Variants in MTA3 observed in about 807,000 individuals in gnomAD.
MTA3 encodes the protein metastasis associated 1 family member 3, also known as metastasis-associated protein MTA3.
In MTA3, 34 loss-of-function variants were observed where a neutral mutation model predicts 83.5. That is an observed-to-expected ratio of 0.41 (90% confidence interval 0.31 to 0.54). MTA3 has a LOEUF of 0.54. Ranked by LOEUF, MTA3 falls within the 20% of genes least tolerant of loss-of-function variation. MTA3 has a pLI of 0.33. For synonymous variants in MTA3, 303 were observed against 252.7 expected, an observed-to-expected ratio of 1.20 and a Z score of -1.89; for missense variants, 761 against 726.4, an observed-to-expected ratio of 1.05 and a Z score of -0.55.
At chr2:42,506,906 C>G (rs763697772) in intron 2 of MTA3, among the ~76,000 whole-genome samples, 1 of 151,674 alleles carries the variant, frequency 6.6e-6, no homozygotes, top group Admixed American at 6.6e-5. Context: ...CGCGCCTGGC[C>G]TGTTTTATTT....
intron 7 of MTA3, among the ~76,000 whole-genome samples, chr2:42,658,028 C>G (rs927370264): frequency 7.4e-6 from 1 of 135,350 alleles, no homozygotes; most frequent in Non-Finnish European, 1.5e-5. Context: ...GCCGAGATCG[C>G]ACCATTGCAC....
chr2:42,539,179 G>C (rs2029898), intron 2 of MTA3, among the ~76,000 whole-genome samples: 1 of 151,940 alleles, frequency 6.6e-6, no homozygotes, highest in Non-Finnish European at 1.5e-5. Flanking sequence ...GTAGAATTAC[G>C]GGGTAAAAGA....
At chr2:42,691,031 C>G (rs1383138736) in intron 9 of MTA3, among the ~76,000 whole-genome samples, 2 of 152,106 alleles carry the variant, frequency 1.3e-5, no homozygotes, top group African/African-American at 2.4e-5. Context: ...TACACACCAC[C>G]ATGCCCAGCT....
In MTA3 at chr2:42,719,094, G is replaced by T; in HGVS notation, c.1612+20G>T. On this transcript the variant is annotated intron_variant, in intron 15 of 16. Coordinates refer to ENST00000405094, the MANE Select transcript of MTA3 (RefSeq NM_001330442.2). ...ATTTAGGTGGGTATTTTCTAATAGAGGAAAAACTCAAAGAGCAATTTCTGA... is the reference window on the plus strand; with the variant it reads ...ATTTAGGTGGGTATTTTCTAATAGATGAAAAACTCAAAGAGCAATTTCTGA... The T allele has an allele frequency of 6.6e-7, 1 of 1,517,302 alleles. No individual in the cohort carries two copies. Among genetic ancestry groups the T allele is most frequent in the South Asian group, 1.2e-5 (1 of 83,322 alleles). The allele number at this position is 1,517,302 out of a possible 1,614,324, so 94.0% of individuals were successfully genotyped here.
At chr2:42,605,936 C>T (rs1331918955) in intron 3 of MTA3, among the ~76,000 whole-genome samples, 1 of 48,756 alleles carries the variant, frequency 2.1e-5, no homozygotes, top group Non-Finnish European at 4.0e-5. Context: ...CGCCCCTCAC[C>T]TCCCCGACGG....
At chr2:42,523,456 C>G (rs555446622) in intron 2 of MTA3, among the ~76,000 whole-genome samples, 1 of 152,190 alleles carries the variant, frequency 6.6e-6, no homozygotes, top group African/African-American at 2.4e-5. Flanking sequence ...CCAGCCTCAA[C>G]CAGGAAGATG....
At chr2:42,625,249 C>G (rs1685959106) in intron 4 of MTA3, among the ~76,000 whole-genome samples, 2 of 151,490 alleles carry the variant, frequency 1.3e-5, no homozygotes, top group Admixed American at 1.3e-4. Flanking sequence ...CCAGGCTGGT[C>G]TTGAACTCCT....
chr2:42,502,391 T>C (rs565457540), intron 2 of MTA3, among the ~76,000 whole-genome samples: 23 of 152,274 alleles, frequency 1.5e-4, no homozygotes, highest in African/African-American at 4.8e-4. Context: ...TTGGTGGAGG[T>C]ACGGGTTTCT....
chr2:42,634,608 G>A (rs556011855), intron 4 of MTA3, among the ~76,000 whole-genome samples: 15 of 152,304 alleles, frequency 9.8e-5, no homozygotes, highest in Admixed American at 3.3e-4. Flanking sequence ...AATTCAAGAT[G>A]AGATTTGGGT....
chr2:42,671,271 T>G (rs1690767291), intron 8 of MTA3, among the ~76,000 whole-genome samples: 1 of 152,152 alleles, frequency 6.6e-6, no homozygotes, highest in Non-Finnish European at 1.5e-5. Context: ...ATTTTCAAAT[T>G]TAACATTTTT....
intron 15 of MTA3, among the ~76,000 whole-genome samples, chr2:42,722,184 C>T (rs753130557): frequency 3.3e-5 from 5 of 152,142 alleles, no homozygotes; most frequent in Admixed American, 6.5e-5. Flanking sequence ...AAATCCAGTT[C>T]CTACAGTGTT....
chr2:42,662,355 G>GTC (rs1392168079), intron 8 of MTA3, among the ~76,000 whole-genome samples: 1 of 151,486 alleles, frequency 6.6e-6, no homozygotes, highest in Non-Finnish European at 1.5e-5. Flanking sequence ...TATTTCTTGT[G>GTC]TCTTGTTTTT....
chr2:42,528,467 G>A (rs562401815), intron 2 of MTA3, among the ~76,000 whole-genome samples: 4 of 152,260 alleles, frequency 2.6e-5, no homozygotes, highest in African/African-American at 9.6e-5. Context: ...TGATCCACCC[G>A]CCTCGGCCTC....
chr2:42,528,471 C>A (rs906156467), intron 2 of MTA3, among the ~76,000 whole-genome samples: 2 of 152,270 alleles, frequency 1.3e-5, no homozygotes, highest in East Asian at 3.9e-4. Context: ...CCACCCGCCT[C>A]GGCCTCCCAA....
intron 3 of MTA3, among the ~76,000 whole-genome samples, chr2:42,581,370 T>A (rs1436004143): frequency 6.9e-6 from 1 of 144,372 alleles, no homozygotes; most frequent in Non-Finnish European, 1.5e-5. Flanking sequence ...CTTTTTTTTT[T>A]TTTTTTTTTT....
chr2:42,616,572 C>CTTCTGTT (rs371119345), intron 4 of MTA3, among the ~76,000 whole-genome samples: 21 of 56,216 alleles, frequency 3.7e-4, no homozygotes, highest in African/African-American at 1.6e-3. Flanking sequence ...TCTTCTTCTT[C>CTTCTGTT]TTTTTTTTTT....
chr2:42,552,622 C>A, intron 2 of MTA3, among the ~76,000 whole-genome samples: 1 of 136,906 alleles, frequency 7.3e-6, no homozygotes, highest in African/African-American at 2.9e-5. Flanking sequence ...GACTCCTTGT[C>A]CAAAAAAAAA....
intron 2 of MTA3, among the ~76,000 whole-genome samples, chr2:42,538,498 A>G (rs1037469281): frequency 6.6e-6 from 1 of 151,956 alleles, no homozygotes; most frequent in Non-Finnish European, 1.5e-5. Flanking sequence ...ACCTGAGGTG[A>G]GGAGTTCGAG....
chr2:42,580,671 C>G (rs1679518520), intron 3 of MTA3, among the ~76,000 whole-genome samples: 1 of 152,060 alleles, frequency 6.6e-6, no homozygotes, highest in South Asian at 2.1e-4. Context: ...TCTCAGCTCA[C>G]TGTAACCTCT....
Sources: gnomAD v4.1 joint callset for allele counts (sites outside exome capture counted in the v4.1 genomes callset) on GRCh38, gnomAD v4.1.1 for gene constraint, MANE v1.5 for transcripts, NCBI Gene and HGNC (gene_info 2026-07-23, HGNC 2026-07-21) for gene names.